The following CRTC3 variants were observed in gnomAD, a reference collection of about 807,000 sequenced individuals.
CRTC3 encodes CREB regulated transcription coactivator 3, also known as CREB-regulated transcription coactivator 3.
CRTC3 carries 26 observed loss-of-function variants against 74.5 expected under a neutral mutation model. The ratio of observed to expected loss-of-function variants is 0.35; its 90% CI spans 0.26 to 0.48. The LOEUF is 0.48. CRTC3 is among the 20% of genes least tolerant of loss of function. The probability of loss-of-function intolerance (pLI) is 0.99; values close to 1 mark genes in which losing one functional copy is unlikely to be tolerated. For missense variants in CRTC3, 760 were observed against 787.3 expected (o/e 0.97, Z 0.41); for synonymous variants, 377 against 325.8 (o/e 1.16, Z -1.69).
chr15:90,544,147 G>GGGAA (rs1400269086), intron 2 of CRTC3, among the ~76,000 whole-genome samples: 10 of 152,140 alleles, frequency 6.6e-5, no homozygotes, highest in Admixed American at 1.3e-4. Context: ...GAATGCTCTG[G>GGGAA]GGAAGAATCC....
intron 2 of CRTC3, among the ~76,000 whole-genome samples, chr15:90,571,659 A>G (rs139638661): frequency 5.9e-5 from 9 of 152,326 alleles, no homozygotes; most frequent in African/African-American, 2.2e-4. Flanking sequence ...CTCAAATAAT[A>G]TGGAAGCATG....
chr15:90,590,287 C>T (rs1169217272), intron 2 of CRTC3, among the ~76,000 whole-genome samples: 2 of 151,546 alleles, frequency 1.3e-5, no homozygotes, highest in South Asian at 2.1e-4. Context: ...AGCAAAACTC[C>T]GTCTCAAAAA....
intron 1 of CRTC3, among the ~76,000 whole-genome samples, chr15:90,537,627 G>A (rs1349275634): frequency 1.3e-5 from 2 of 152,050 alleles, no homozygotes; most frequent in African/African-American, 2.4e-5. Context: ...CTCGTGATCC[G>A]CCCGCCTCGG....
At chr15:90,580,367 C>G (rs1233306631) in intron 2 of CRTC3, among the ~76,000 whole-genome samples, 1 of 151,898 alleles carries the variant, frequency 6.6e-6, no homozygotes, top group Non-Finnish European at 1.5e-5. Flanking sequence ...AAAGTGGGGA[C>G]TTGCAGATAG....
Position 90,625,800 on chromosome 15 carries a change from C to T in CRTC3, c.774C>T (p.Asn258=), listed in dbSNP as rs3743404. The part of the protein sequence containing the change: ...GGNAFPHNGQ[N]LGLSPFLGTL... ...GTGCTTTTCCACATAATGGTCAAAA[C>T]CTAGGCCTCTCACCCTTCTTGGGGA... The change falls in exon 10 of 15, where the codon AAC becomes AAT. Residue 258 remains asparagine (N), a synonymous_variant. Coordinates refer to ENST00000268184, the MANE Select transcript of CRTC3 (RefSeq NM_022769.5). 3.6e-5 allele frequency: 58 copies of T among 1,614,020 alleles called. No homozygotes were observed. The East Asian group carries it at 7.1e-4, about 20-fold the overall frequency.
chr15:90,607,500 T>G, intron 6 of CRTC3, 22 bp downstream of exon 6: 1 of 1,398,498 alleles, frequency 7.2e-7, no homozygotes, highest in African/African-American at 1.4e-5. Flanking sequence ...AGGCCACTGC[T>G]GACAGCAGCT....
chr15:90,556,958 C>CCA (rs1478638411), intron 2 of CRTC3, among the ~76,000 whole-genome samples: 4 of 130,556 alleles, frequency 3.1e-5, no homozygotes, highest in African/African-American at 6.2e-5. Context: ...CACCACATGG[C>CCA]TATATATATA....
chr15:90,553,315 T>C (rs1966866419), intron 2 of CRTC3, among the ~76,000 whole-genome samples: 1 of 152,224 alleles, frequency 6.6e-6, no homozygotes, highest in South Asian at 2.1e-4. Flanking sequence ...TCCAGCAGCA[T>C]GTCCTTCTAT....
At chr15:90,539,959 C>G in intron 1 of CRTC3, 80 bp from the exon 2 acceptor site, 4 of 943,572 alleles carry the variant, frequency 4.2e-6, no homozygotes, top group Non-Finnish European at 3.4e-6. Flanking sequence ...TGAACCGTTC[C>G]CCTACAAAAT....
intron 2 of CRTC3, among the ~76,000 whole-genome samples, chr15:90,577,330 A>AG (rs954330210): frequency 6.6e-6 from 1 of 152,206 alleles, no homozygotes; most frequent in Non-Finnish European, 1.5e-5. Flanking sequence ...GAAGGATATA[A>AG]GGGGTTGGAG....
In CRTC3 at chr15:90,643,785, A is replaced by C. The variant is rs1416590919; in HGVS notation, c.*1645A>C. On this transcript the variant is annotated 3_prime_UTR_variant, in exon 15 of 15. Coordinates refer to ENST00000268184, the MANE Select transcript of CRTC3 (RefSeq NM_022769.5). ...GGAGAGGAGGAGAACCCTGAAGGAGAGACGGAAGATGCCAGGACCTTTGCT... is the reference window on the plus strand; with the variant it reads ...GGAGAGGAGGAGAACCCTGAAGGAGCGACGGAAGATGCCAGGACCTTTGCT... 4.3e-6 allele frequency: 1 copy of C among 232,598 alleles called. No homozygotes were observed. Among genetic ancestry groups the C allele is most frequent in the Non-Finnish European group, 8.5e-6 (1 of 117,918 alleles). 14.4% of individuals were successfully genotyped at this position (232,598 alleles called of 1,614,324 possible). A position where few individuals can be genotyped will look rare whatever the true frequency, so the allele number is the denominator to read the frequency against.
chr15:90,612,020 C>T (rs1328925436), intron 6 of CRTC3, among the ~76,000 whole-genome samples: 2 of 143,390 alleles, frequency 1.4e-5, no homozygotes, highest in East Asian at 4.2e-4. Context: ...TCCCCAACCA[C>T]CCCCCACTCC....
chr15:90,622,970 A>G (rs1358284175), intron 9 of CRTC3, among the ~76,000 whole-genome samples: 1 of 152,076 alleles, frequency 6.6e-6, no homozygotes, highest in East Asian at 1.9e-4. Context: ...TTCTTTCCAA[A>G]ACTCCACAGT....
At chr15:90,573,716 T>G (rs1967332451) in intron 2 of CRTC3, among the ~76,000 whole-genome samples, 1 of 152,232 alleles carries the variant, frequency 6.6e-6, no homozygotes, top group African/African-American at 2.4e-5. Context: ...TAATATGTTC[T>G]TTGATTTTAC....
chr15:90,583,561 C>T (rs1244042813), intron 2 of CRTC3, among the ~76,000 whole-genome samples: 1 of 152,182 alleles, frequency 6.6e-6, no homozygotes, highest in Admixed American at 6.5e-5. Flanking sequence ...CTAGGTGGTT[C>T]AAGGGCTCTG....
chr15:90,551,064 C>T (rs187594827), intron 2 of CRTC3, among the ~76,000 whole-genome samples: 2 of 152,286 alleles, frequency 1.3e-5, no homozygotes, highest in African/African-American at 4.8e-5. Context: ...GAAGTTTCTT[C>T]ATGCCATCTG....
chr15:90,594,425 C>G (rs1276903756), intron 3 of CRTC3: 1 of 152,250 alleles, frequency 6.6e-6, no homozygotes, highest in East Asian at 1.9e-4. Context: ...CTTTGGGGAA[C>G]AGAACTGAGC....
At chr15:90,615,601 C>T (rs1968471951) in intron 7 of CRTC3, among the ~76,000 whole-genome samples, 1 of 152,226 alleles carries the variant, frequency 6.6e-6, no homozygotes, top group South Asian at 2.1e-4. Context: ...TAAATGGCTT[C>T]AAGGTTGACT....
At chr15:90,585,770 G>A (rs777741626) in intron 2 of CRTC3, among the ~76,000 whole-genome samples, 28 of 152,084 alleles carry the variant, frequency 1.8e-4, no homozygotes, top group Non-Finnish European at 2.6e-4. Context: ...CCCTTCCTTT[G>A]CCTATCCCCA....
Sources: gnomAD v4.1 joint callset for allele counts (sites outside exome capture counted in the v4.1 genomes callset) on GRCh38, gnomAD v4.1.1 for gene constraint, MANE v1.5 for transcripts, NCBI Gene and HGNC (gene_info 2026-07-23, HGNC 2026-07-21) for gene names.